SHTN1: variants seen among roughly 807,000 people sequenced by gnomAD.
The protein encoded by SHTN1 is shootin-1.
SHTN1 carries 42 observed loss-of-function variants against 83.1 expected under a neutral mutation model. The observed-to-expected ratio is 0.51, with a 90% confidence interval of 0.39 to 0.65. SHTN1 has a LOEUF of 0.65. Among genes scored for constraint, SHTN1 ranks in the 30% least tolerant of loss-of-function variants. The pLI is 0.00. For synonymous variants in SHTN1, 224 were observed against 247.7 expected, an observed-to-expected ratio of 0.90 and a Z score of 0.90; for missense variants, 622 against 737.8, an observed-to-expected ratio of 0.84 and a Z score of 1.82.
chr10:116,948,556 C>T (rs1564891848), intron 7 of SHTN1, among the ~76,000 whole-genome samples: 1 of 152,232 alleles, frequency 6.6e-6, no homozygotes, highest in East Asian at 1.9e-4. Context: ...TTTATGTAGA[C>T]AGCCTAACCT....
chr10:117,064,880 A>C lies in SHTN1; in HGVS notation c.-188-16370T>G. ...GGGTTTCTGAAGCTGAACTATGCAA[A>C]TTGTTGCCTCCCTCTTCTGTGAAAA... On this transcript the variant is annotated intron_variant, in intron 1 of 17. Coordinates refer to the SHTN1 transcript ENST00000392901. Among the ~76,000 whole-genome samples, 2 of 152,100 alleles carry C rather than the reference A, an allele frequency of 1.3e-5. 1 individual carries two copies. Among genetic ancestry groups the C allele is most frequent in the South Asian group, 4.1e-4 (2 of 4,830 alleles).
chr10:116,904,157 T>C (rs1847868049), intron 15 of SHTN1, among the ~76,000 whole-genome samples: 1 of 152,174 alleles, frequency 6.6e-6, no homozygotes, highest in Non-Finnish European at 1.5e-5. Flanking sequence ...CAAAAGCCTT[T>C]CTAGGCAGAA....
At chr10:117,095,798 T>C (rs1396385549) in intron 1 of SHTN1, among the ~76,000 whole-genome samples, 1 of 152,210 alleles carries the variant, frequency 6.6e-6, no homozygotes, top group East Asian at 1.9e-4. Context: ...CTTTTCCCCA[T>C]GGATTCCCAC....
chr10:116,952,800 ATAAAGAATATGT>A (rs1215487188), intron 5 of SHTN1, among the ~76,000 whole-genome samples: 2 of 152,204 alleles, frequency 1.3e-5, no homozygotes, highest in Non-Finnish European at 2.9e-5. Context: ...TCCAAGTGCA[ATAAAGAATATGT>A]TATGTGGTTA....
chr10:116,888,280 G>C (rs1847225201), intron 16 of SHTN1, among the ~76,000 whole-genome samples: 1 of 152,156 alleles, frequency 6.6e-6, no homozygotes. Context: ...ATCAGAATGG[G>C]GTGTAGTTTC....
At chr10:117,070,667 T>A (rs1176647559) in intron 1 of SHTN1, among the ~76,000 whole-genome samples, 1 of 151,408 alleles carries the variant, frequency 6.6e-6, no homozygotes, top group East Asian at 1.9e-4. Flanking sequence ...GTTCTTGAGA[T>A]CACGCCTGAC....
intron 1 of SHTN1, among the ~76,000 whole-genome samples, chr10:117,122,256 T>C (rs922368546): frequency 3.9e-5 from 6 of 152,158 alleles, no homozygotes; most frequent in Admixed American, 6.5e-5. Flanking sequence ...CTACTGCTCA[T>C]GCAGCCTCAA....
intron 1 of SHTN1, among the ~76,000 whole-genome samples, chr10:117,111,841 A>C (rs1308450430): frequency 6.6e-6 from 1 of 152,150 alleles, no homozygotes; most frequent in East Asian, 1.9e-4. Context: ...AGAGGTTGTA[A>C]ATGTGAATCC....
intron 5 of SHTN1, among the ~76,000 whole-genome samples, chr10:116,953,619 T>TG (rs1440574296): frequency 1.1e-4 from 13 of 114,552 alleles, no homozygotes; most frequent in African/African-American, 3.7e-4. Flanking sequence ...CAGTTTTGTG[T>TG]TTTGTTTTTT....
At chr10:116,961,922 G>A (rs1037490682) in intron 3 of SHTN1, among the ~76,000 whole-genome samples, 5 of 152,138 alleles carry the variant, frequency 3.3e-5, no homozygotes, top group Non-Finnish European at 7.3e-5. Flanking sequence ...ATCTGCTGTT[G>A]TGTGAAAGCC....
At chr10:117,121,809 G>T (rs1239725898) in intron 1 of SHTN1, among the ~76,000 whole-genome samples, 2 of 152,128 alleles carry the variant, frequency 1.3e-5, no homozygotes, top group Non-Finnish European at 2.9e-5. Context: ...AAGGCTGGCA[G>T]ATCACGAGGT....
chr10:116,925,176 C>T (rs1848702893), intron 11 of SHTN1, among the ~76,000 whole-genome samples: 1 of 152,166 alleles, frequency 6.6e-6, no homozygotes, highest in African/African-American at 2.4e-5. Flanking sequence ...CTGGTGTTTC[C>T]ATGAGGATGT....
chr10:116,881,541 T>C lies in SHTN1; in HGVS notation c.*4803A>G. 1 of 1,546,126 alleles carries C rather than the reference T, an allele frequency of 6.5e-7. No individual in the cohort carries two copies. The highest frequency in any genetic ancestry group is 8.7e-7 in the Non-Finnish European group (1 of 1,145,884). On this transcript the variant is annotated 3_prime_UTR_variant, in exon 17 of 17. Transcript: ENST00000355371. Reference sequence around the variant, plus strand: ...TTTCAAAGAAGAACACACTTTTTTTTACTTTAATGAGGAAGCTGAAAAGGC... The same window carrying C: ...TTTCAAAGAAGAACACACTTTTTTTCACTTTAATGAGGAAGCTGAAAAGGC...
chr10:116,995,829 T>C (rs1851606069), intron 1 of SHTN1, among the ~76,000 whole-genome samples: 1 of 152,152 alleles, frequency 6.6e-6, no homozygotes. Flanking sequence ...ATGGTTCAAA[T>C]GGTTGCCTTA....
chr10:117,060,288 C>T (rs1227275428), intron 1 of SHTN1, among the ~76,000 whole-genome samples: 1 of 152,024 alleles, frequency 6.6e-6, no homozygotes, highest in African/African-American at 2.4e-5. Context: ...TTTATGCTAA[C>T]ACATAGTGGG....
chr10:117,121,516 T>A (rs1589940974), intron 1 of SHTN1, among the ~76,000 whole-genome samples: 1 of 149,248 alleles, frequency 6.7e-6, no homozygotes, highest in East Asian at 2.0e-4. Context: ...GAGACGGAGG[T>A]TGCAGTGAGC....
At chr10:116,924,929 T>G (rs2133370512) in intron 11 of SHTN1, among the ~76,000 whole-genome samples, 1 of 152,030 alleles carries the variant, frequency 6.6e-6, no homozygotes, top group South Asian at 2.1e-4. Flanking sequence ...TAATTTTTTT[T>G]GTATTTTTAG....
At chr10:116,903,871 C>T (rs1020737877) in intron 15 of SHTN1, among the ~76,000 whole-genome samples, 3 of 152,072 alleles carry the variant, frequency 2.0e-5, no homozygotes, top group Non-Finnish European at 4.4e-5. Flanking sequence ...AAATGTACAC[C>T]GTTTAAGAGT....
intron 3 of SHTN1, among the ~76,000 whole-genome samples, chr10:116,962,963 A>G (rs1850235796): frequency 2.7e-5 from 4 of 150,884 alleles, no homozygotes; most frequent in Non-Finnish European, 1.5e-5. Context: ...CAAAACCAAA[A>G]GTCAAGTCAC....
Sources: gnomAD v4.1 joint callset for allele counts (sites outside exome capture counted in the v4.1 genomes callset) on GRCh38, gnomAD v4.1.1 for gene constraint, MANE v1.5 for transcripts, NCBI Gene and HGNC (gene_info 2026-07-23, HGNC 2026-07-21) for gene names.